Variants in PPEF1 observed in about 807,000 individuals in gnomAD.
PPEF1 encodes serine/threonine-protein phosphatase with EF-hands 1.
Under a neutral mutation model 53.3 loss-of-function variants are expected in PPEF1, and 12 were observed. The observed-to-expected ratio is 0.23, with a 90% CI of 0.14 to 0.36. The LOEUF (loss-of-function observed/expected upper bound fraction) is 0.36, where lower values mean the gene tolerates loss of function less well. Ranked by LOEUF, PPEF1 falls within the 10% of genes least tolerant of loss-of-function variation. The pLI, the probability that PPEF1 is intolerant of heterozygous loss-of-function variation, is 1.00. For synonymous variants in PPEF1, 165 were observed against 176.7 expected (o/e 0.93, Z 0.52); for missense variants, 334 against 490.4 (o/e 0.68, Z 3.01).
At chrX:18,793,450 T>C (rs1329648186) in intron 10 of PPEF1, among the ~76,000 whole-genome samples, 1 of 111,985 alleles carries the variant, frequency 8.9e-6, no homozygotes, top group Non-Finnish European at 1.9e-5. Flanking sequence ...AAACTTTTTT[T>C]CTTTTTTTGG....
At chrX:18,727,513 C>T (rs1356131421) in intron 1 of PPEF1, among the ~76,000 whole-genome samples, 3 of 110,859 alleles carry the variant, frequency 2.7e-5, no homozygotes, top group African/African-American at 9.9e-5. Context: ...CCACAGCAAT[C>T]ATCAACACAG....
chrX:18,681,907 AG>A (rs1250385994), upstream of PPEF1, among the ~76,000 whole-genome samples: 3 of 112,295 alleles, frequency 2.7e-5, no homozygotes, highest in Admixed American at 2.8e-4. Flanking sequence ...ACATAACTGC[AG>A]CCCATCTGCA....
chrX:18,716,595 T>C (rs1281814145), intron 1 of PPEF1, among the ~76,000 whole-genome samples: 3 of 104,168 alleles, frequency 2.9e-5, no homozygotes, highest in Non-Finnish European at 5.9e-5. Context: ...AGAGCCCCCC[T>C]CCCGGCTCTC....
Position 18,827,290 on chromosome X carries a change from G to C in PPEF1, c.1765G>C (p.Glu589Gln). 8.3e-7 allele frequency: 1 copy of C among 1,206,924 alleles called. No homozygotes were observed. Among genetic ancestry groups the C allele is most frequent in the Non-Finnish European group, 1.1e-6 (1 of 891,744 alleles). The change falls in exon 16 of 16, where the codon GAA becomes CAA. Residue 589 changes from glutamate (E) to glutamine (Q), a missense_variant. Glu to Gln is a conservative substitution (Grantham distance 29, BLOSUM62 2). Coordinates refer to ENST00000470157, the MANE Select transcript of PPEF1 (RefSeq NM_001377996.1). ...TATTCTTTTAGGCCTGATCTCCGTG[G>C]AAGAATTTCGTGCCATGTGGAAACT... ...DTDHSGLISV[E>Q]EFRAMWKLFS...
intron 6 of PPEF1, among the ~76,000 whole-genome samples, chrX:18,767,786 G>C (rs2045806182): frequency 9.0e-6 from 1 of 110,612 alleles, no homozygotes; most frequent in East Asian, 2.8e-4. Context: ...CATAAAAATA[G>C]ATAAGGAAGA....
chrX:18,710,111 A>G (rs772540802), intron 1 of PPEF1, among the ~76,000 whole-genome samples: 1 of 112,262 alleles, frequency 8.9e-6, no homozygotes, highest in African/African-American at 3.2e-5. Flanking sequence ...GACTAATGAC[A>G]TTGAGCATCT....
intron 3 of PPEF1, among the ~76,000 whole-genome samples, chrX:18,689,716 A>C (rs1372554279): frequency 9.1e-6 from 1 of 109,786 alleles, no homozygotes; most frequent in African/African-American, 3.3e-5. Context: ...AAAGTTTGAG[A>C]AGTGCTGTTT....
chrX:18,795,085 G>A (rs193080626), intron 10 of PPEF1, among the ~76,000 whole-genome samples: 16 of 111,646 alleles, frequency 1.4e-4, no homozygotes, highest in Middle Eastern at 4.6e-3. Context: ...TGAGGTGGGC[G>A]GATTGCTTGA....
At chrX:18,746,668 G>C (rs1436386933) in intron 3 of PPEF1, among the ~76,000 whole-genome samples, 1 of 112,103 alleles carries the variant, frequency 8.9e-6, no homozygotes, top group Non-Finnish European at 1.9e-5. Flanking sequence ...CAGTGATTGG[G>C]AAAATAAAAT....
chrX:18,780,629 A>G (rs1292675899), intron 7 of PPEF1, among the ~76,000 whole-genome samples: 1 of 111,769 alleles, frequency 8.9e-6, no homozygotes, highest in Non-Finnish European at 1.9e-5. Context: ...AAGTAGTTGA[A>G]GGTTAAAGGG....
chrX:18,802,070 T>G (rs2046559416), intron 10 of PPEF1, among the ~76,000 whole-genome samples: 1 of 110,280 alleles, frequency 9.1e-6, no homozygotes, highest in Non-Finnish European at 1.9e-5. Context: ...AAAAATATTA[T>G]TTTGTTTTAT....
intron 4 of PPEF1, among the ~76,000 whole-genome samples, chrX:18,752,576 C>T (rs920573109): frequency 6.3e-5 from 7 of 111,175 alleles, no homozygotes; most frequent in South Asian, 7.6e-4. Context: ...TGTTCCTCAT[C>T]GTAGGGGGAA....
chrX:18,799,232 CAA>C (rs60105762), intron 10 of PPEF1, among the ~76,000 whole-genome samples: 5 of 78,323 alleles, frequency 6.4e-5, no homozygotes, highest in Admixed American at 1.5e-4. Flanking sequence ...GACCCCGTCT[CAA>C]AAAAAAAAAA....
intron 10 of PPEF1, among the ~76,000 whole-genome samples, chrX:18,794,526 A>G (rs749135611): frequency 8.9e-6 from 1 of 112,789 alleles, no homozygotes; most frequent in Admixed American, 9.4e-5. Flanking sequence ...CAAGTGGGGT[A>G]GTAGGCAGGG....
chrX:18,715,044 T>A (rs2044423431), intron 1 of PPEF1, among the ~76,000 whole-genome samples: 1 of 111,849 alleles, frequency 8.9e-6, no homozygotes, highest in African/African-American at 3.2e-5. Context: ...TCGAGGCTAT[T>A]CCCTTTCTTG....
At chrX:18,796,505 A>T (rs776020421) in intron 10 of PPEF1, among the ~76,000 whole-genome samples, 1 of 112,737 alleles carries the variant, frequency 8.9e-6, no homozygotes, top group African/African-American at 3.2e-5. Context: ...ACACGTGCCC[A>T]CATGATGTTG....
intron 12 of PPEF1, among the ~76,000 whole-genome samples, chrX:18,816,204 C>G (rs2046909847): frequency 9.0e-6 from 1 of 111,466 alleles, no homozygotes; most frequent in Non-Finnish European, 1.9e-5. Flanking sequence ...TTCATTTTCA[C>G]TCATCTTAAA....
At chrX:18,680,976 A>G (rs1928864258), upstream of PPEF1, among the ~76,000 whole-genome samples, 4 of 111,311 alleles carry the variant, frequency 3.6e-5, no homozygotes, top group African/African-American at 1.3e-4. Context: ...ATAGTATTCT[A>G]TGGTGTATAT....
chrX:18,717,216 T>C (rs1326510041), intron 1 of PPEF1, among the ~76,000 whole-genome samples: 1 of 108,370 alleles, frequency 9.2e-6, no homozygotes, highest in Non-Finnish European at 1.9e-5. Flanking sequence ...TTGAAATAAT[T>C]TGAAAATAAG....
Sources: gnomAD v4.1 joint callset for allele counts (sites outside exome capture counted in the v4.1 genomes callset) on GRCh38, gnomAD v4.1.1 for gene constraint, MANE v1.5 for transcripts, NCBI Gene and HGNC (gene_info 2026-07-23, HGNC 2026-07-21) for gene names.